The following CDK13 variants were observed in gnomAD, a reference collection of about 807,000 sequenced individuals.
The protein encoded by CDK13 is cyclin-dependent kinase 13.
A neutral mutation model predicts 137.6 loss-of-function variants in CDK13; 40 were observed. That is an observed-to-expected ratio of 0.29 (90% CI 0.23 to 0.38). CDK13 has a LOEUF of 0.38. Among genes scored for constraint, CDK13 ranks in the 10% least tolerant of loss-of-function variants. The pLI is 1.00. For missense variants in CDK13, 1,704 were observed against 1,951.8 expected (o/e 0.87, Z 2.39); for synonymous variants, 869 against 760.1 (o/e 1.14, Z -2.36).
At chr7:40,017,888 G>A (rs865877377) in intron 5 of CDK13, among the ~76,000 whole-genome samples, 1 of 149,676 alleles carries the variant, frequency 6.7e-6, no homozygotes, top group Non-Finnish European at 1.5e-5. Context: ...ATCTTACAGT[G>A]TTCTGCCATC....
At chr7:40,082,013 A>G (rs1786673796) in intron 11 of CDK13, among the ~76,000 whole-genome samples, 1 of 152,238 alleles carries the variant, frequency 6.6e-6, no homozygotes, top group Non-Finnish European at 1.5e-5. Flanking sequence ...TAGTTTGCAT[A>G]TCTGTTGATT....
Position 40,084,022 on chromosome 7 carries a change from A to C in CDK13, c.3030-4104A>C, listed in dbSNP as rs1786731463. On this transcript the variant is annotated intron_variant, in intron 11 of 13. Transcript: ENST00000181839. ...TTTGATCAATTTTTTAGGAATAATCAAATGAGAGAATGGGGTATTTAAAAA... is the reference window on the plus strand; with the variant it reads ...TTTGATCAATTTTTTAGGAATAATCCAATGAGAGAATGGGGTATTTAAAAA... Among the ~76,000 whole-genome samples the C allele has an allele frequency of 2.0e-5, 3 of 152,308 alleles. No individual in the cohort carries two copies. The South Asian group carries it at 6.2e-4, about 32-fold the overall frequency.
chr7:40,058,715 T>G (rs1178823879), intron 7 of CDK13, among the ~76,000 whole-genome samples: 1 of 152,028 alleles, frequency 6.6e-6, no homozygotes, highest in Non-Finnish European at 1.5e-5. Flanking sequence ...GCAGAAGTTG[T>G]TTGGAAATTT....
chr7:39,957,715 G>C (rs1787462639), intron 1 of CDK13, among the ~76,000 whole-genome samples: 1 of 152,140 alleles, frequency 6.6e-6, no homozygotes, highest in South Asian at 2.1e-4. Flanking sequence ...TTTGCCCTCT[G>C]TTGTGCTGAT....
intron 11 of CDK13, among the ~76,000 whole-genome samples, chr7:40,083,806 C>T (rs1584085528): frequency 1.3e-5 from 2 of 152,174 alleles, no homozygotes; most frequent in South Asian, 4.1e-4. Flanking sequence ...ATTACTAAAG[C>T]AATCAAGTAA....
chr7:40,034,091 T>C (rs1045589766), intron 5 of CDK13, among the ~76,000 whole-genome samples: 11 of 152,240 alleles, frequency 7.2e-5, no homozygotes, highest in Non-Finnish European at 1.5e-4. Flanking sequence ...GCTATGATAA[T>C]CTGGCAGGGC....
At chr7:40,075,471 T>G (rs1015349207) in intron 9 of CDK13, among the ~76,000 whole-genome samples, 1 of 152,038 alleles carries the variant, frequency 6.6e-6, no homozygotes, top group Non-Finnish European at 1.5e-5. Context: ...GAAATAAAAT[T>G]TCAATAAAAT....
intron 1 of CDK13, among the ~76,000 whole-genome samples, chr7:39,977,168 G>A (rs551828570): frequency 2.6e-5 from 4 of 152,166 alleles, no homozygotes; most frequent in African/African-American, 7.2e-5. Context: ...GAAGATGGAG[G>A]GCAAGATGAT....
intron 1 of CDK13, among the ~76,000 whole-genome samples, chr7:39,962,271 A>G (rs746218674): frequency 2.8e-4 from 43 of 152,074 alleles, no homozygotes; most frequent in Non-Finnish European, 5.7e-4. Flanking sequence ...AAGTGTTCCT[A>G]TTTCTCCACA....
At chr7:39,981,254 G>A (rs1204223634) in intron 1 of CDK13, among the ~76,000 whole-genome samples, 16 of 151,858 alleles carry the variant, frequency 1.1e-4, no homozygotes, top group Admixed American at 7.9e-4. Context: ...TGTAGTCCCC[G>A]CTACTTTTGG....
At chr7:40,041,606 G>C (rs1387417097) in intron 5 of CDK13, among the ~76,000 whole-genome samples, 2 of 152,134 alleles carry the variant, frequency 1.3e-5, no homozygotes, top group African/African-American at 4.8e-5. Flanking sequence ...AGTAGCTACT[G>C]TATTGGACCA....
At chr7:40,001,217 CTT>C (rs372931532) in intron 4 of CDK13, among the ~76,000 whole-genome samples, 44,691 of 140,924 alleles carry the variant, frequency 0.32, 7,074 homozygotes, top group Middle Eastern at 0.48. Flanking sequence ...TCTTCAGCAT[CTT>C]TTTTTTTTTT....
intron 1 of CDK13, among the ~76,000 whole-genome samples, chr7:39,954,366 T>G (rs563976808): frequency 6.6e-6 from 1 of 152,336 alleles, no homozygotes; most frequent in South Asian, 2.1e-4. Flanking sequence ...TTGTACAGAT[T>G]AATGGAAAAG....
intron 3 of CDK13, 84 bp from the exon 4 acceptor site, chr7:39,999,277 G>T: frequency 9.3e-7 from 1 of 1,073,860 alleles, no homozygotes; most frequent in Non-Finnish European, 1.3e-6. Context: ...ATATACAATT[G>T]GGTGGCGAGT....
At chr7:39,977,990 G>A in intron 1 of CDK13, among the ~76,000 whole-genome samples, 1 of 152,168 alleles carries the variant, frequency 6.6e-6, no homozygotes, top group East Asian at 1.9e-4. Flanking sequence ...CACTGCCTCA[G>A]AATAGGGTGT....
At chr7:40,044,689 T>C (rs1785695874) in intron 5 of CDK13, among the ~76,000 whole-genome samples, 1 of 152,096 alleles carries the variant, frequency 6.6e-6, no homozygotes. Context: ...CAGGCTAGAG[T>C]GCAGTAGCGT....
chr7:40,016,581 G>T (rs1253221472), intron 5 of CDK13, among the ~76,000 whole-genome samples: 1 of 152,090 alleles, frequency 6.6e-6, no homozygotes, highest in African/African-American at 2.4e-5. Context: ...GGAGTACCAG[G>T]TGTTATGTAT....
intron 5 of CDK13, among the ~76,000 whole-genome samples, chr7:40,030,616 A>G (rs1048012777): frequency 1.3e-5 from 2 of 151,702 alleles, no homozygotes; most frequent in Non-Finnish European, 2.9e-5. Flanking sequence ...CCAGGCTGGT[A>G]TGCAACTTCT....
intron 5 of CDK13, among the ~76,000 whole-genome samples, chr7:40,010,530 A>G (rs779190625): frequency 6.6e-6 from 1 of 152,130 alleles, no homozygotes; most frequent in Non-Finnish European, 1.5e-5. Context: ...CTAAAAATAC[A>G]AAAATTAGCT....
Sources: gnomAD v4.1 joint callset for allele counts (sites outside exome capture counted in the v4.1 genomes callset) on GRCh38, gnomAD v4.1.1 for gene constraint, MANE v1.5 for transcripts, NCBI Gene and HGNC (gene_info 2026-07-23, HGNC 2026-07-21) for gene names.